Variants in LARGE1 observed in about 807,000 individuals in gnomAD.
LARGE1 encodes LARGE xylosyl- and glucuronyltransferase 1.
Under a neutral mutation model 87.6 loss-of-function variants are expected in LARGE1, and 43 were observed. The ratio of observed to expected loss-of-function variants is 0.49; its 90% CI spans 0.38 to 0.63. The LOEUF (loss-of-function observed/expected upper bound fraction) is 0.63. Among genes scored for constraint, LARGE1 ranks in the 30% least tolerant of loss-of-function variants. The probability of loss-of-function intolerance (pLI) is 0.00; values close to 1 mark genes in which losing one functional copy is unlikely to be tolerated. For synonymous variants in LARGE1, 434 were observed against 394.6 expected, an observed-to-expected ratio of 1.10 and a Z score of -1.18; for missense variants, 802 against 1,000.2, an observed-to-expected ratio of 0.80 and a Z score of 2.67.
At chr22:33,265,100 T>G (rs1474721651) in intron 11 of LARGE1, among the ~76,000 whole-genome samples, 1 of 151,826 alleles carries the variant, frequency 6.6e-6, no homozygotes, top group Non-Finnish European at 1.5e-5. Flanking sequence ...TGGGGTGATT[T>G]CACCATGTTG....
intron 2 of LARGE1, among the ~76,000 whole-genome samples, chr22:33,680,467 G>A (rs1350363512): frequency 6.7e-6 from 1 of 149,806 alleles, no homozygotes; most frequent in Non-Finnish European, 1.5e-5. Context: ...GAATGGGGTG[G>A]GGGGCAGAAG....
chr22:33,786,007 G>A (rs1187465837), intron 1 of LARGE1, among the ~76,000 whole-genome samples: 2 of 152,188 alleles, frequency 1.3e-5, no homozygotes, highest in African/African-American at 4.8e-5. Flanking sequence ...AGAAGCCACA[G>A]GCAGCACTAA....
chr22:33,369,423 T>C (rs1427443326), intron 9 of LARGE1, among the ~76,000 whole-genome samples: 7 of 152,012 alleles, frequency 4.6e-5, no homozygotes, highest in African/African-American at 1.5e-4. Flanking sequence ...CACAGATTAT[T>C]TGAACTCCCC....
chr22:33,703,004 T>A (rs2082444579), intron 2 of LARGE1, among the ~76,000 whole-genome samples: 2 of 152,032 alleles, frequency 1.3e-5, no homozygotes, highest in African/African-American at 4.8e-5. Flanking sequence ...AAACACCAGG[T>A]ACAAAGACTA....
chr22:33,123,973 T>A, the LARGE1 span, among the ~76,000 whole-genome samples: 4 of 152,138 alleles, frequency 2.6e-5, no homozygotes, highest in Non-Finnish European at 4.4e-5. Flanking sequence ...TCCTCTTGGC[T>A]CCACTGCCTG....
At chr22:33,615,671 CAAAA>C (rs3072281) in intron 4 of LARGE1, among the ~76,000 whole-genome samples, 9 of 134,556 alleles carry the variant, frequency 6.7e-5, no homozygotes, top group African/African-American at 2.7e-5. Flanking sequence ...TAAGGAAAAA[CAAAA>C]AAAAAAAAAA....
At chr22:33,617,511 T>C (rs1569316199) in intron 4 of LARGE1, among the ~76,000 whole-genome samples, 1 of 152,230 alleles carries the variant, frequency 6.6e-6, no homozygotes, top group South Asian at 2.1e-4. Flanking sequence ...CAATATATGA[T>C]TCAAGGCTAT....
rs143513189 is a variant in LARGE1, at chr22:33,869,402, G to GA, written c.-83+50592dup. Among the ~76,000 whole-genome samples, 1,242 of 151,486 alleles carry GA rather than the reference G, an allele frequency of 8.2e-3. 17 individuals are homozygous for GA. Among genetic ancestry groups the GA allele is most frequent in the African/African-American group, 0.028 (1,167 of 41,314 alleles). On this transcript the variant is annotated intron_variant, in intron 1 of 14. Coordinates refer to ENST00000397394, the MANE Select transcript of LARGE1 (RefSeq NM_133642.5). ...TGTGTTCAGCTCCCTCCCAAGTAGG[G>GA]AAAAAAAAAGTATTCTCCATTCTGA...
At chr22:33,836,232 T>C (rs2146369961) in intron 1 of LARGE1, among the ~76,000 whole-genome samples, 1 of 152,278 alleles carries the variant, frequency 6.6e-6, no homozygotes, top group South Asian at 2.1e-4. Flanking sequence ...ATTCACTAGT[T>C]GATCCTAGGG....
intron 7 of LARGE1, among the ~76,000 whole-genome samples, chr22:33,393,123 G>A (rs987587928): frequency 6.6e-6 from 1 of 152,188 alleles, no homozygotes; most frequent in African/African-American, 2.4e-5. Flanking sequence ...TAATGAGTCT[G>A]TTTAGGATGT....
chr22:33,102,336 T>A, the LARGE1 span, among the ~76,000 whole-genome samples: 15 of 148,340 alleles, frequency 1.0e-4, no homozygotes, highest in Non-Finnish European at 1.5e-4. Flanking sequence ...GCCCAGCTAA[T>A]TTTTTTTTGT....
At chr22:33,687,048 A>G (rs1405172557) in intron 2 of LARGE1, among the ~76,000 whole-genome samples, 1 of 151,930 alleles carries the variant, frequency 6.6e-6, no homozygotes, top group African/African-American at 2.4e-5. Context: ...GAACATGCCA[A>G]GCTTGTTCTG....
At chr22:33,510,069 A>G (rs1221514278) in intron 6 of LARGE1, among the ~76,000 whole-genome samples, 1 of 152,244 alleles carries the variant, frequency 6.6e-6, no homozygotes, top group Non-Finnish European at 1.5e-5. Context: ...AGATTAGAGA[A>G]TAAACCTGAG....
chr22:33,120,590 C>T, the LARGE1 span, among the ~76,000 whole-genome samples: 1 of 151,806 alleles, frequency 6.6e-6, no homozygotes, highest in East Asian at 1.9e-4. Flanking sequence ...CGATTCACTG[C>T]AGCCTCCACC....
rs538452289 is a variant in LARGE1, at chr22:33,166,780, G to A, written c.1783C>T (p.Pro595Ser). Residue 595 changes from proline (P) to serine (S), a missense_variant, in exon 12 of 12, where the codon CCA (proline) becomes TCA (serine). Coordinates refer to the LARGE1 transcript ENST00000608642. Reference sequence around the variant, plus strand: ...GAGGACAATTATAGGCATGTGTTTGGAACTGTCGTCTTGCAGCTGATGATG... The same window carrying A: ...GAGGACAATTATAGGCATGTGTTTGAAACTGTCGTCTTGCAGCTGATGATG... 19 of 471,548 alleles carry A rather than the reference G, an allele frequency of 4.0e-5. No individual in the cohort carries two copies. The Middle Eastern group carries it at 5.2e-3, about 129-fold the overall frequency. 29.2% of individuals were successfully genotyped at this position (471,548 alleles called of 1,614,324 possible).
chr22:33,719,497 ATATTTATTTATT>A (rs56236034), intron 2 of LARGE1, among the ~76,000 whole-genome samples: 23 of 145,196 alleles, frequency 1.6e-4, no homozygotes, highest in South Asian at 6.7e-4. Flanking sequence ...CATCTATACC[ATATTTATTTATT>A]TATTTATTTA....
intron 9 of LARGE1, among the ~76,000 whole-genome samples, chr22:33,375,006 A>C (rs559543274): frequency 6.6e-6 from 1 of 152,300 alleles, no homozygotes; most frequent in East Asian, 1.9e-4. Flanking sequence ...TAGGTTAATA[A>C]AAACTTTAAG....
intron 11 of LARGE1, among the ~76,000 whole-genome samples, chr22:33,227,362 T>G (rs568726286): frequency 5.3e-5 from 8 of 152,292 alleles, no homozygotes; most frequent in African/African-American, 1.7e-4. Context: ...AAACCCAAGC[T>G]TAAACGGTGA....
chr22:33,634,689 T>TAAC (rs2080214931), intron 3 of LARGE1, among the ~76,000 whole-genome samples: 1 of 151,140 alleles, frequency 6.6e-6, no homozygotes, highest in Non-Finnish European at 1.5e-5. Context: ...ATAATAATAA[T>TAAC]AATAATAATA....
Sources: allele counts gnomAD v4.1 joint callset (sites outside exome capture counted in the v4.1 genomes callset), GRCh38; gene constraint gnomAD v4.1.1; transcripts MANE v1.5; gene names NCBI Gene and HGNC (gene_info 2026-07-23, HGNC 2026-07-21).